RPL37A: variants seen among roughly 807,000 people sequenced by gnomAD.
RPL37A encodes large ribosomal subunit protein eL43.
RPL37A carries 5 observed loss-of-function variants against 13.6 expected under a neutral mutation model. The ratio of observed to expected loss-of-function variants is 0.37; its 90% CI spans 0.19 to 0.78. The LOEUF (loss-of-function observed/expected upper bound fraction) is 0.78, where lower values mean the gene tolerates loss of function less well. RPL37A is among the 30% of genes least tolerant of loss of function. The pLI, the probability that RPL37A is intolerant of heterozygous loss-of-function variation, is 0.49. For missense variants in RPL37A, 77 were observed against 120.0 expected (o/e 0.64, Z 1.67); for synonymous variants, 50 against 44.4 (o/e 1.13, Z -0.50).
rs750470579 is a variant in RPL37A at position 216,499,413 on chromosome 2, GTC to G, written c.132+19_132+20del. ...TCTGTGGCAAAGTAAGTAAGGCAAA[GTC>G]TCTGGTGAGAGGAGAGGGAGGGCAG... On this transcript the variant is annotated intron_variant, in intron 2 of 3. Transcript: ENST00000491306. 2.2e-5 allele frequency: 36 copies of G among 1,613,706 alleles called. No individual in the cohort carries two copies. The South Asian group carries it at 3.2e-4, about 14-fold the overall frequency.
At chr2:216,499,419 G>A (rs777933163) in intron 2 of RPL37A, 21 bp downstream of exon 2, 23 of 1,612,822 alleles carry the variant, frequency 1.4e-5, no homozygotes, top group Non-Finnish European at 2.0e-5. Context: ...CAAAGTCTCT[G>A]GTGAGAGGAG....
chr2:216,501,257 C>A, intron 3 of RPL37A, 84 bp from the exon 4 acceptor site: 1 of 1,179,420 alleles, frequency 8.5e-7, no homozygotes, highest in East Asian at 2.4e-5. Flanking sequence ...GCGACTTTAA[C>A]ACAAAAACGA....
chr2:216,498,984 G>C, intron 1 of RPL37A, 107 bp downstream of exon 1: 1 of 1,497,352 alleles, frequency 6.7e-7, no homozygotes, highest in Non-Finnish European at 9.3e-7. Flanking sequence ...GTTCTCTCCT[G>C]TCTCCATGCC....
rs1231012224 is a variant in RPL37A, at chr2:216,503,823, G to C, written c.*2419G>C. The C allele has an allele frequency of 6.6e-6, 1 of 152,190 alleles. No individual in the cohort carries two copies. Among genetic ancestry groups the C allele is most frequent in the African/African-American group, 2.4e-5 (1 of 41,438 alleles). 9.4% of individuals were successfully genotyped at this position (152,190 alleles called of 1,614,324 possible). A position where few individuals can be genotyped will look rare whatever the true frequency, so the allele number is the denominator to read the frequency against. On this transcript the variant is annotated 3_prime_UTR_variant, in exon 4 of 4. Transcript: ENST00000491306. ...AGTGATTTTCCCAAGATGATAGGGA[G>C]GCAGGTGATGTAGATAGGGCTGAAG...
chr2:216,499,563 AT>A, intron 2 of RPL37A, 165 bp downstream of exon 2: 1 of 849,146 alleles, frequency 1.2e-6, no homozygotes. Context: ...GTAACTTCAG[AT>A]TTTGTGAGAC....
chr2:216,500,047 TGTG>T lies in RPL37A; in HGVS notation c.215+19_215+21del, dbSNP rs1423025173. ...GGACGTACAAGTGAGTCTAGTTCCTTGTGGTATTTGGAAGTGTGTGGACCACAT... is the reference window on the plus strand; with the variant it reads ...GGACGTACAAGTGAGTCTAGTTCCTTGTATTTGGAAGTGTGTGGACCACAT... On this transcript the variant is annotated intron_variant, in intron 3 of 3. Coordinates refer to ENST00000491306, the MANE Select transcript of RPL37A (RefSeq NM_000998.5). The T allele has an allele frequency of 3.1e-6, 5 of 1,608,114 alleles. No homozygotes were observed. The highest frequency in any genetic ancestry group is 4.3e-6 in the Non-Finnish European group (5 of 1,176,018).
chr2:216,499,894 C>T (rs749559537), intron 2 of RPL37A, 55 bp from the exon 3 acceptor site: 2 of 1,447,256 alleles, frequency 1.4e-6, no homozygotes, highest in Admixed American at 3.3e-5. Context: ...CTTCTGGATG[C>T]TTGTAAGAGA....
intron 2 of RPL37A, chr2:216,499,724 T>C (rs911955457): frequency 7.2e-6 from 5 of 689,784 alleles, no homozygotes; most frequent in Middle Eastern, 2.4e-4. Context: ...AAGATGTCTG[T>C]GCATCTAATA....
At chr2:216,499,492 T>C (rs1695559461) in intron 2 of RPL37A, 94 bp downstream of exon 2, 1 of 1,444,224 alleles carries the variant, frequency 6.9e-7, no homozygotes. Context: ...AGCCGTGTGC[T>C]GGTGGGCAGT....
rs1209153188 is a variant in RPL37A, at chr2:216,502,731, A to G, written c.*1327A>G. 1.3e-5 allele frequency: 2 copies of G among 152,206 alleles called. No homozygotes were observed. The highest frequency in any genetic ancestry group is 4.1e-4 in the South Asian group (2 of 4,824). The allele number at this position is 152,206 out of a possible 1,614,324, so 9.4% of individuals were successfully genotyped here. A position where few individuals can be genotyped will look rare whatever the true frequency, so the allele number is the denominator to read the frequency against. On this transcript the variant is annotated 3_prime_UTR_variant, in exon 4 of 4. Coordinates refer to ENST00000491306, the MANE Select transcript of RPL37A (RefSeq NM_000998.5). ...TTTAAGGATGCAAATTTAATTCGAT[A>G]AGAATGTGGATTTACTTCATCTTTA...
chr2:216,501,159 A>T, intron 3 of RPL37A, 182 bp from the exon 4 acceptor site: 1 of 518,432 alleles, frequency 1.9e-6, no homozygotes, highest in Non-Finnish European at 3.5e-6. Flanking sequence ...GGAGTAATCT[A>T]ATGTTGGTTA....
intron 1 of RPL37A, 108 bp downstream of exon 1, chr2:216,498,985 T>C: frequency 1.3e-6 from 2 of 1,486,628 alleles, no homozygotes; most frequent in Non-Finnish European, 1.9e-6. Context: ...TTCTCTCCTG[T>C]CTCCATGCCT....
chr2:216,499,842 A>T, intron 2 of RPL37A, 107 bp from the exon 3 acceptor site: 1 of 926,506 alleles, frequency 1.1e-6, no homozygotes, highest in Non-Finnish European at 1.8e-6. Flanking sequence ...GGAGAAAGGG[A>T]GGCTTTCACA....
At chr2:216,500,138 A>G in intron 3 of RPL37A, 107 bp downstream of exon 3, 1 of 789,930 alleles carries the variant, frequency 1.3e-6, no homozygotes, top group Non-Finnish European at 2.2e-6. Context: ...GACTGAGAGA[A>G]TAAGGATGCC....
intron 1 of RPL37A, 93 bp downstream of exon 1, chr2:216,498,970 C>T: frequency 6.5e-7 from 1 of 1,537,332 alleles, no homozygotes; most frequent in Non-Finnish European, 9.0e-7. Context: ...CTGCCTTACC[C>T]CGTGTTCTCT....
Position 216,501,362 on chromosome 2 carries a change from A to C in RPL37A, c.237A>C (p.Val79=). 6.2e-7 allele frequency: 1 copy of C among 1,612,638 alleles called. No homozygotes were observed. The highest frequency in any genetic ancestry group is 8.5e-7 in the Non-Finnish European group (1 of 1,179,556). Residue 79 remains valine (V), a synonymous_variant, in exon 4 of 4, where the codon GTA becomes GTC. Transcript: ENST00000491306. ...WTYNTTSAVT[V]KSAIRRLKEL... is the part of the protein sequence containing the mutation. ...CCAGTACCACTTCCGCTGTCACGGT[A>C]AAGTCCGCCATCAGAAGACTGAAGG...
rs1036051439 is a variant in RPL37A at position 216,500,123 on chromosome 2, C to G, written c.215+92C>G. The G allele has an allele frequency of 1.3e-5, 12 of 906,914 alleles. No individual in the cohort carries two copies. The African/African-American group carries it at 1.8e-4, about 14-fold the overall frequency. 56.2% of individuals were successfully genotyped at this position (906,914 alleles called of 1,614,324 possible). On this transcript the variant is annotated intron_variant, in intron 3 of 3. Coordinates refer to ENST00000491306, the MANE Select transcript of RPL37A (RefSeq NM_000998.5). ...CTGGATGGGCTAGTTTTAACACTTTCTCAGGACTGAGAGAATAAGGATGCC... is the reference window on the plus strand; with the variant it reads ...CTGGATGGGCTAGTTTTAACACTTTGTCAGGACTGAGAGAATAAGGATGCC...
chr2:216,502,661 C>G lies in RPL37A; in HGVS notation c.*1257C>G, dbSNP rs1249919494. ...CCATCTGTGGTATGGACTTCTCAGT[C>G]CTCCTAATTGGTATGTCTTTTATCT... On this transcript the variant is annotated 3_prime_UTR_variant, in exon 4 of 4. Transcript: ENST00000491306. The G allele has an allele frequency of 6.6e-6, 1 of 152,186 alleles. No homozygotes were observed. Among genetic ancestry groups the G allele is most frequent in the Non-Finnish European group, 1.5e-5 (1 of 68,032 alleles). The allele number at this position is 152,186 out of a possible 1,614,324, so 9.4% of individuals were successfully genotyped here. A position where few individuals can be genotyped will look rare whatever the true frequency, so the allele number is the denominator to read the frequency against.
rs1340479604 is a variant in RPL37A at position 216,502,198 on chromosome 2, A to ATGCC, written c.*797_*800dup. On this transcript the variant is annotated 3_prime_UTR_variant, in exon 4 of 4. Transcript: ENST00000491306. ...AAAAAATAGCTTGGTATGGTGGCACATGCCTGTAATCCCAGCTACTTTGGA... is the reference window on the plus strand; with the variant it reads ...AAAAAATAGCTTGGTATGGTGGCACATGCCTGCCTGTAATCCCAGCTACTTTGGA... The ATGCC allele has an allele frequency of 2.0e-5, 3 of 151,912 alleles. No individual in the cohort carries two copies. The highest frequency in any genetic ancestry group is 7.2e-5 in the African/African-American group (3 of 41,444). The allele number at this position is 151,912 out of a possible 1,614,324, so 9.4% of individuals were successfully genotyped here.
Sources: gnomAD v4.1 joint callset for allele counts on GRCh38, gnomAD v4.1.1 for gene constraint, MANE v1.5 for transcripts, NCBI Gene and HGNC (gene_info 2026-07-23, HGNC 2026-07-21) for gene names.